TOPAZ1: variants seen among roughly 807,000 people sequenced by gnomAD.
TOPAZ1 encodes protein TOPAZ1.
A neutral mutation model predicts 172.2 loss-of-function variants in TOPAZ1; 66 were observed. The ratio of observed to expected loss-of-function variants is 0.38; its 90% confidence interval spans 0.31 to 0.47. The LOEUF is 0.47. TOPAZ1 is among the 20% of genes least tolerant of loss of function. The probability of loss-of-function intolerance (pLI) is 0.99; values close to 1 mark genes in which losing one functional copy is unlikely to be tolerated. For missense variants in TOPAZ1, 1,822 were observed against 1,972.4 expected (o/e 0.92, Z 1.44); for synonymous variants, 681 against 683.9 (o/e 1.00, Z 0.07).
chr3:44,257,092 G>A (rs1699712712), intron 4 of TOPAZ1, among the ~76,000 whole-genome samples: 1 of 152,070 alleles, frequency 6.6e-6, no homozygotes, highest in Non-Finnish European at 1.5e-5. Context: ...ACTTTGGGAG[G>A]CTGAGGTGGG....
chr3:44,285,002 G>T (rs1186425250), intron 9 of TOPAZ1, among the ~76,000 whole-genome samples: 1 of 152,100 alleles, frequency 6.6e-6, no homozygotes, highest in African/African-American at 2.4e-5. Context: ...TATTTAGAAA[G>T]ACATGAATAT....
At chr3:44,325,080 G>A (rs935787656) in intron 18 of TOPAZ1, among the ~76,000 whole-genome samples, 1 of 152,158 alleles carries the variant, frequency 6.6e-6, no homozygotes, top group Non-Finnish European at 1.5e-5. Flanking sequence ...ACAGCCAAGT[G>A]AGTAATTTAT....
chr3:44,296,127 G>A (rs1700191153), intron 12 of TOPAZ1, among the ~76,000 whole-genome samples: 1 of 152,120 alleles, frequency 6.6e-6, no homozygotes, highest in Admixed American at 6.6e-5. Flanking sequence ...ATCCACGTGT[G>A]AAGAGAAAGT....
intron 6 of TOPAZ1, among the ~76,000 whole-genome samples, chr3:44,268,324 T>C (rs1020909960): frequency 6.6e-6 from 1 of 151,406 alleles, no homozygotes; most frequent in African/African-American, 2.4e-5. Context: ...AACTTTTCCT[T>C]GGTGTGTGCA....
At chr3:44,274,999 A>G (rs1312854926) in intron 8 of TOPAZ1, among the ~76,000 whole-genome samples, 2 of 151,728 alleles carry the variant, frequency 1.3e-5, no homozygotes, top group African/African-American at 4.9e-5. Flanking sequence ...TATTTTGTAC[A>G]TCTATGCATG....
At chr3:44,302,216 C>T (rs1018899457) in intron 12 of TOPAZ1, among the ~76,000 whole-genome samples, 15 of 152,110 alleles carry the variant, frequency 9.9e-5, no homozygotes, top group African/African-American at 3.6e-4. Context: ...AGAGACCATT[C>T]TGGCTAACAT....
At chr3:44,324,210 A>G (rs1258081251) in intron 18 of TOPAZ1, among the ~76,000 whole-genome samples, 1 of 152,214 alleles carries the variant, frequency 6.6e-6, no homozygotes, top group Non-Finnish European at 1.5e-5. Context: ...ATATGCACGT[A>G]TGTATACTGG....
intron 9 of TOPAZ1, among the ~76,000 whole-genome samples, chr3:44,282,836 C>G (rs1252623336): frequency 1.3e-5 from 2 of 152,044 alleles, no homozygotes; most frequent in Non-Finnish European, 2.9e-5. Flanking sequence ...TCATTCTCCC[C>G]AAGGATTAAA....
chr3:44,261,485 T>G lies in TOPAZ1; in HGVS notation c.2956-934T>G, dbSNP rs1284391512. Among the ~76,000 whole-genome samples, 88 of 152,204 alleles carry G rather than the reference T, an allele frequency of 5.8e-4. 1 individual carries two copies. The highest frequency in any genetic ancestry group is 5.8e-3 in the Admixed American group (88 of 15,272). ...GGTTGTAGGTGTGCAGCCTTATTCC[T>G]GGGCTGTCTATTCTGTTCTATTGGT... On this transcript the variant is annotated intron_variant, in intron 4 of 19. Transcript: ENST00000309765.
chr3:44,256,411 C>A, intron 4 of TOPAZ1, 133 bp downstream of exon 4: 1 of 805,526 alleles, frequency 1.2e-6, no homozygotes, highest in Non-Finnish European at 1.9e-6. Flanking sequence ...TCACTCTAGC[C>A]ATGGGATGTA....
chr3:44,276,230 G>A (rs1416961916), intron 8 of TOPAZ1, among the ~76,000 whole-genome samples: 1 of 152,042 alleles, frequency 6.6e-6, no homozygotes, highest in Non-Finnish European at 1.5e-5. Flanking sequence ...TTTGTTGCCT[G>A]TGCTTTTGCA....
rs141512860 is a variant in TOPAZ1 at position 44,281,584 on chromosome 3, A to G, written c.3373-384A>G. Reference sequence around the variant, plus strand: ...GATATAAGAAGAGAATCAAGATACAATTTTTTCCCATGTGGATCTTCAGGT... The same window carrying G: ...GATATAAGAAGAGAATCAAGATACAGTTTTTTCCCATGTGGATCTTCAGGT... On this transcript the variant is annotated intron_variant, in intron 8 of 19. Transcript: ENST00000309765. Among the ~76,000 whole-genome samples the G allele has an allele frequency of 8.9e-3, 1,351 of 152,234 alleles. 13 individuals are homozygous for G. Among genetic ancestry groups the G allele is most frequent in the Non-Finnish European group, 0.012 (783 of 68,010 alleles).
At chr3:44,247,385 T>C (rs1699578444) in intron 2 of TOPAZ1, among the ~76,000 whole-genome samples, 1 of 152,220 alleles carries the variant, frequency 6.6e-6, no homozygotes, top group South Asian at 2.1e-4. Flanking sequence ...AAAGTTTGAG[T>C]TTTAGCTTCA....
At chr3:44,296,588 A>C (rs969014747) in intron 12 of TOPAZ1, among the ~76,000 whole-genome samples, 1 of 151,972 alleles carries the variant, frequency 6.6e-6, no homozygotes, top group African/African-American at 2.4e-5. Flanking sequence ...AAAAACCACA[A>C]AAAAAAACAA....
At chr3:44,306,770 T>C (rs1044324952) in intron 15 of TOPAZ1, among the ~76,000 whole-genome samples, 1 of 152,196 alleles carries the variant, frequency 6.6e-6, no homozygotes, top group African/African-American at 2.4e-5. Context: ...AACCCATTTA[T>C]GCCAGAGATT....
Position 44,267,004 on chromosome 3 carries a change from T to A in TOPAZ1, c.3028T>A (p.Ser1010Thr). ...ATTTTTCCTTTCACACAGCAAAGAT[T>A]CTAGAAATGCAGACTTTATGGTCGG... Reference protein sequence around the residue: ...NIYEVCKSKDSRNADFMVGEC... With the variant: ...NIYEVCKSKDTRNADFMVGEC... The change falls in exon 6 of 20, where the codon TCT becomes ACT. Residue 1010 changes from serine to threonine, a missense_variant. Ser to Thr is a moderately conservative substitution (Grantham distance 58). Around this residue, in one of 2 missense-constraint regions of TOPAZ1, gnomAD observed 1,489 missense variants for 1,490.8 expected, o/e 1.00. Transcript: ENST00000309765. 6.5e-7 allele frequency: 1 copy of A among 1,539,212 alleles called. No homozygotes were observed. Among genetic ancestry groups the A allele is most frequent in the Admixed American group, 2.1e-5 (1 of 47,980 alleles).
chr3:44,328,087 A>G (rs1471251264), intron 18 of TOPAZ1, among the ~76,000 whole-genome samples, 163 bp from the exon 19 acceptor site: 1 of 152,208 alleles, frequency 6.6e-6, no homozygotes, highest in Non-Finnish European at 1.5e-5. Flanking sequence ...TTTACAAAGA[A>G]TAATGCCAAA....
chr3:44,296,896 G>A (rs2125696304), intron 12 of TOPAZ1, among the ~76,000 whole-genome samples: 1 of 150,178 alleles, frequency 6.7e-6, no homozygotes, highest in African/African-American at 2.4e-5. Flanking sequence ...TTACGGCCGG[G>A]CATGGTGGCT....
intron 12 of TOPAZ1, among the ~76,000 whole-genome samples, chr3:44,294,869 G>C (rs533764517): frequency 2.6e-5 from 4 of 152,102 alleles, no homozygotes; most frequent in Non-Finnish European, 5.9e-5. Context: ...AGAAGATAAG[G>C]CTGCTAGAAA....
Sources: allele counts gnomAD v4.1 joint callset (sites outside exome capture counted in the v4.1 genomes callset), GRCh38; gene constraint gnomAD v4.1.1; regional missense constraint gnomAD v4.1.1; transcripts MANE v1.5; gene names NCBI Gene and HGNC (gene_info 2026-07-23, HGNC 2026-07-21).